NPM2: variants seen among roughly 807,000 people sequenced by gnomAD.
NPM2 encodes the protein nucleoplasmin-2.
In NPM2, 25 loss-of-function variants were observed where a neutral mutation model predicts 32.0. That is an observed-to-expected ratio of 0.78 (90% CI 0.57 to 1.09). NPM2 has a LOEUF of 1.09. NPM2 is among the 50% of genes least tolerant of loss of function. The probability of loss-of-function intolerance (pLI) is 0.00; values close to 1 mark genes in which losing one functional copy is unlikely to be tolerated. For missense variants in NPM2, 282 were observed against 259.9 expected (o/e 1.08, Z -0.58); for synonymous variants, 111 against 94.2 (o/e 1.18, Z -1.04).
intron 5 of NPM2, among the ~76,000 whole-genome samples, chr8:22,026,087 C>G (rs1036207425): frequency 6.6e-6 from 1 of 152,232 alleles, no homozygotes; most frequent in Non-Finnish European, 1.5e-5. Context: ...CCAGCATTAC[C>G]CCTGAGCCCT....
chr8:22,034,158 GGAGGAAGAGGAA>G lies in NPM2; in HGVS notation c.423_434del (p.Glu141_Glu144del). ...AGGAGGAGGAAGAAGAAGGGGAGGA[GGAGGAAGAGGAA>G]GAGGAAGATGATGAGGATGAGGATG... On this transcript the variant is annotated inframe_deletion, in exon 7 of 10. Coordinates refer to ENST00000518119, the MANE Select transcript of NPM2 (RefSeq NM_001286680.2). 6.2e-7 allele frequency: 1 copy of G among 1,612,082 alleles called. No individual in the cohort carries two copies. The highest frequency in any genetic ancestry group is 8.5e-7 in the Non-Finnish European group (1 of 1,179,110).
intron 5 of NPM2, among the ~76,000 whole-genome samples, chr8:22,027,154 G>A (rs963956603): frequency 1.3e-5 from 2 of 152,072 alleles, no homozygotes; most frequent in African/African-American, 4.8e-5. Context: ...GTATACATGT[G>A]AGGTTGGCCT....
In NPM2 at chr8:22,033,014, C is replaced by T. The variant is rs1800489812; in HGVS notation, c.271-116C>T. On this transcript the variant is annotated intron_variant, in intron 5 of 9. Transcript: ENST00000518119. ...TGGACAGAATCCACCTCAGCAGGGG[C>T]TGAGTAGTGTGTAGGGTTTGGGGAG... 10 of 748,596 alleles carry T rather than the reference C, an allele frequency of 1.3e-5. No homozygotes were observed. In the Admixed American group the frequency reaches 1.9e-4, roughly 15 times the overall value. 46.4% of individuals were successfully genotyped at this position (748,596 alleles called of 1,614,324 possible).
chr8:22,036,432 C>G, intron 8 of NPM2, 61 bp from the exon 9 acceptor site: 1 of 1,551,950 alleles, frequency 6.4e-7, no homozygotes, highest in Non-Finnish European at 8.7e-7. Context: ...CGCCGCTGGT[C>G]TGGAGCTGAG....
chr8:22,033,086 C>T, intron 5 of NPM2, 44 bp from the exon 6 acceptor site: 2 of 1,439,296 alleles, frequency 1.4e-6, no homozygotes, highest in Non-Finnish European at 2.0e-6. Flanking sequence ...CCGAGAGGTG[C>T]CAGGCCTAAG....
intron 5 of NPM2, among the ~76,000 whole-genome samples, chr8:22,031,589 G>A (rs1056265888): frequency 6.6e-6 from 1 of 152,212 alleles, no homozygotes; most frequent in East Asian, 1.9e-4. Flanking sequence ...GGGATTACAG[G>A]TGTGCACCAT....
At chr8:22,029,341 A>G (rs1800359050) in intron 5 of NPM2, among the ~76,000 whole-genome samples, 1 of 152,178 alleles carries the variant, frequency 6.6e-6, no homozygotes, top group African/African-American at 2.4e-5. Flanking sequence ...ACAGGGATTC[A>G]CCACGTTGGC....
At chr8:22,028,638 C>A (rs1027133957) in intron 5 of NPM2, among the ~76,000 whole-genome samples, 1 of 151,952 alleles carries the variant, frequency 6.6e-6, no homozygotes, top group Non-Finnish European at 1.5e-5. Flanking sequence ...CCAAAAAGAT[C>A]CTTTTAAACA....
chr8:22,036,108 G>A (rs531930629), intron 8 of NPM2, among the ~76,000 whole-genome samples: 1 of 152,118 alleles, frequency 6.6e-6, no homozygotes, highest in South Asian at 2.1e-4. Flanking sequence ...TGTGGGCCAG[G>A]TGTGGTGGTG....
At chr8:22,031,956 A>G (rs1800456347) in intron 5 of NPM2, among the ~76,000 whole-genome samples, 5 of 152,206 alleles carry the variant, frequency 3.3e-5, no homozygotes, top group Admixed American at 3.3e-4. Context: ...ACACTGAATT[A>G]CATCCTCTCT....
Position 22,036,426 on chromosome 8 carries a change from G to T in NPM2, c.567-67G>T, listed in dbSNP as rs377666223. ...GGGTGGGCACTGGGAGGGCCACGCC[G>T]CTGGTCTGGAGCTGAGCTCTCTCCC... On this transcript the variant is annotated intron_variant, in intron 8 of 9. Coordinates refer to ENST00000518119, the MANE Select transcript of NPM2 (RefSeq NM_001286680.2). The T allele has an allele frequency of 1.5e-5, 23 of 1,523,800 alleles. No individual in the cohort carries two copies. In the East Asian group the frequency reaches 5.1e-4, roughly 34 times the overall value. The allele number at this position is 1,523,800 out of a possible 1,614,324, so 94.4% of individuals were successfully genotyped here.
In NPM2 at chr8:22,036,495, C is replaced by T. The variant is rs1328902927; in HGVS notation, c.569C>T (p.Ala190Val). Reference sequence around the variant, plus strand: ...TGCTCCGCTCCACCCTGTTGCAGAGCCAGCGTTAGAGACAAGAGCCCTGTG... The same window carrying T: ...TGCTCCGCTCCACCCTGTTGCAGAGTCAGCGTTAGAGACAAGAGCCCTGTG... ...KLEKEEEEIR[A>V]SVRDKSPVKK... Residue 190 changes from alanine to valine, a missense_variant and splice_region_variant, in exon 9 of 10, where the codon GCC becomes GTC. Transcript: ENST00000518119. 2 of 1,604,930 alleles carry T rather than the reference C, an allele frequency of 1.2e-6. No individual in the cohort carries two copies. Among genetic ancestry groups the T allele is most frequent in the Non-Finnish European group, 1.7e-6 (2 of 1,175,956 alleles).
intron 5 of NPM2, among the ~76,000 whole-genome samples, chr8:22,027,491 T>G (rs1800293394): frequency 6.6e-6 from 1 of 152,204 alleles, no homozygotes; most frequent in Non-Finnish European, 1.5e-5. Flanking sequence ...TATCCCAAAT[T>G]TAACATGTCT....
At chr8:22,035,027 G>C (rs1563357465) in intron 8 of NPM2, among the ~76,000 whole-genome samples, 1 of 152,116 alleles carries the variant, frequency 6.6e-6, no homozygotes, top group Non-Finnish European at 1.5e-5. Flanking sequence ...AATTGCTTGA[G>C]CCCGGGGAAA....
intron 8 of NPM2, among the ~76,000 whole-genome samples, chr8:22,035,237 T>C (rs1050408008): frequency 1.3e-5 from 2 of 152,242 alleles, no homozygotes; most frequent in African/African-American, 4.8e-5. Flanking sequence ...ATAATGCTTA[T>C]GAAGAATATA....
At chr8:22,031,507 G>T (rs923866138) in intron 5 of NPM2, among the ~76,000 whole-genome samples, 1 of 152,154 alleles carries the variant, frequency 6.6e-6, no homozygotes, top group Non-Finnish European at 1.5e-5. Flanking sequence ...ACGCAGTGGC[G>T]CAATCTCGGC....
chr8:22,026,608 C>A (rs1800264632), intron 5 of NPM2, among the ~76,000 whole-genome samples: 1 of 152,086 alleles, frequency 6.6e-6, no homozygotes, highest in Non-Finnish European at 1.5e-5. Flanking sequence ...GTGTGCACCA[C>A]CATGCCTGGC....
rs1227983692 is a variant in NPM2 at position 22,025,871 on chromosome 8, G to A, written c.270+99G>A. On this transcript the variant is annotated intron_variant, in intron 5 of 9. Transcript: ENST00000518119. ...GAGGGTGCATTCACCCTACAGAAAT[G>A]AGCCATGCTAGGGAGGTAGCACAGC... is the stretch of plus-strand genomic sequence containing the variant. The A allele has an allele frequency of 4.5e-6, 7 of 1,550,604 alleles. No individual in the cohort carries two copies. The African/African-American group carries it at 6.8e-5, about 15-fold the overall frequency.
At chr8:22,032,347 T>C (rs1308619773) in intron 5 of NPM2, among the ~76,000 whole-genome samples, 1 of 152,220 alleles carries the variant, frequency 6.6e-6, no homozygotes, top group Admixed American at 6.5e-5. Context: ...AGTAGTACTG[T>C]AGAGGCTCTT....
Sources: gnomAD v4.1 joint callset for allele counts (sites outside exome capture counted in the v4.1 genomes callset) on GRCh38, gnomAD v4.1.1 for gene constraint, MANE v1.5 for transcripts, NCBI Gene and HGNC (gene_info 2026-07-23, HGNC 2026-07-21) for gene names.